The following PDE4D variants were observed in gnomAD, a reference collection of about 807,000 sequenced individuals.
PDE4D encodes the protein phosphodiesterase 4D, also known as 3',5'-cyclic-AMP phosphodiesterase 4D.
In PDE4D, 24 loss-of-function variants were observed where a neutral mutation model predicts 87.4. The ratio of observed to expected loss-of-function variants is 0.27; its 90% confidence interval spans 0.20 to 0.39. PDE4D has a LOEUF of 0.39. Among genes scored for constraint, PDE4D ranks in the 10% least tolerant of loss-of-function variants. The pLI is 1.00. For missense variants in PDE4D, 714 were observed against 1,041.0 expected (o/e 0.69, Z 4.32); for synonymous variants, 384 against 383.2 (o/e 1.00, Z -0.02).
At chr5:59,402,497 A>G (rs187716) in intron 1 of PDE4D, among the ~76,000 whole-genome samples, 69,853 of 151,872 alleles carry the variant, frequency 0.46, 16,952 homozygotes, top group African/African-American at 0.61. Flanking sequence ...AGAGCACGAC[A>G]AGTCCCTACT....
chr5:59,843,299 A>T (rs925217446), intron 1 of PDE4D, among the ~76,000 whole-genome samples: 9 of 152,056 alleles, frequency 5.9e-5, no homozygotes, highest in African/African-American at 2.2e-4. Flanking sequence ...TCAGTGGCCA[A>T]CTCTGACATT....
chr5:58,999,845 C>G (rs991643683), intron 6 of PDE4D: 3 of 989,024 alleles, frequency 3.0e-6, no homozygotes, highest in East Asian at 2.2e-4. Context: ...CTTTCTCTCC[C>G]GAGCTCCAGG....
intron 1 of PDE4D, among the ~76,000 whole-genome samples, chr5:60,403,711 AT>A (rs981274821): frequency 5.3e-4 from 80 of 152,344 alleles, no homozygotes; most frequent in African/African-American, 1.9e-3. Flanking sequence ...CACAGCTGAA[AT>A]TTAAGCCCAG....
intron 5 of PDE4D, among the ~76,000 whole-genome samples, chr5:59,070,875 T>C (rs1264380842): frequency 6.6e-6 from 1 of 152,212 alleles, no homozygotes; most frequent in Non-Finnish European, 1.5e-5. Context: ...CTGGATTGGT[T>C]ATTCTCCATG....
intron 3 of PDE4D, among the ~76,000 whole-genome samples, chr5:59,900,196 C>T (rs1419111412): frequency 1.3e-5 from 2 of 150,712 alleles, no homozygotes; most frequent in African/African-American, 4.9e-5. Flanking sequence ...GCCATGATCA[C>T]ACCACTGCAC....
intron 1 of PDE4D, among the ~76,000 whole-genome samples, chr5:59,533,873 A>G (rs893899624): frequency 2.6e-5 from 4 of 152,216 alleles, no homozygotes; most frequent in Non-Finnish European, 4.4e-5. Flanking sequence ...GATAGTGTAT[A>G]TGAAAAAGCA....
intron 1 of PDE4D, among the ~76,000 whole-genome samples, chr5:60,484,651 A>T (rs1389861551): frequency 6.6e-6 from 1 of 152,124 alleles, no homozygotes; most frequent in East Asian, 1.9e-4. Context: ...TTGAAGCTCC[A>T]ATGGGAGCTT....
intron 2 of PDE4D, among the ~76,000 whole-genome samples, chr5:60,062,304 GA>G (rs1014306120): frequency 2.0e-5 from 3 of 151,672 alleles, no homozygotes; most frequent in South Asian, 2.1e-4. Flanking sequence ...ACAAACATAT[GA>G]AAAAAAAGCA....
chr5:60,211,476 T>C (rs558383032), intron 1 of PDE4D, among the ~76,000 whole-genome samples: 1 of 149,738 alleles, frequency 6.7e-6, no homozygotes, highest in Non-Finnish European at 1.5e-5. Context: ...AGGGAATATA[T>C]ATATGTATAT....
intron 1 of PDE4D, among the ~76,000 whole-genome samples, chr5:60,451,536 C>T (rs1475161399): frequency 6.6e-6 from 1 of 151,872 alleles, no homozygotes; most frequent in East Asian, 1.9e-4. Context: ...TAACTACAGG[C>T]CTTTAGGACG....
intron 1 of PDE4D, among the ~76,000 whole-genome samples, chr5:60,401,822 T>C (rs1741116134): frequency 6.6e-6 from 1 of 152,206 alleles, no homozygotes; most frequent in South Asian, 2.1e-4. Flanking sequence ...TCTGCGTCAA[T>C]CAACAGATAT....
At chr5:59,570,030 C>A (rs954802812) in intron 1 of PDE4D, among the ~76,000 whole-genome samples, 1 of 152,152 alleles carries the variant, frequency 6.6e-6, no homozygotes, top group Non-Finnish European at 1.5e-5. Flanking sequence ...TCTGTGATTA[C>A]CGTGAATGAG....
rs576859903 is a variant in PDE4D, at chr5:60,022,065, G to A, written c.43-33348C>T. 7.9e-5 allele frequency among the ~76,000 whole-genome samples: 12 copies of A among 152,196 alleles called. No homozygotes were observed. In the South Asian group the frequency reaches 2.5e-3, roughly 32 times the overall value. On this transcript the variant is annotated intron_variant, in intron 2 of 16. Transcript: ENST00000502484. ...TAGAAACAAACATCCCTCCTCTTTG[G>A]ACATGGAGCTGTATTAATGGCTGCT...
At chr5:59,750,081 G>A in intron 1 of PDE4D, among the ~76,000 whole-genome samples, 1 of 119,370 alleles carries the variant, frequency 8.4e-6, no homozygotes, top group African/African-American at 3.3e-5. Context: ...ACAGAATTAT[G>A]ACCTTTTTTT....
intron 2 of PDE4D, among the ~76,000 whole-genome samples, chr5:60,127,902 C>T (rs1326636331): frequency 1.3e-5 from 2 of 152,032 alleles, no homozygotes; most frequent in African/African-American, 2.4e-5. Context: ...AGGAGGACCA[C>T]GCCTGAGGCA....
At chr5:60,379,801 C>T (rs1213132708) in intron 1 of PDE4D, among the ~76,000 whole-genome samples, 2 of 152,178 alleles carry the variant, frequency 1.3e-5, no homozygotes, top group East Asian at 3.8e-4. Context: ...AAAGCATGGA[C>T]TGGGTTTCAG....
rs558907100 is a variant in PDE4D, at chr5:60,105,032, G to C, written c.42+80525C>G. On this transcript the variant is annotated intron_variant, in intron 2 of 16. Coordinates refer to the PDE4D transcript ENST00000502484. ...ACGAAGAATGACTTTGACGAGTTGA[G>C]AGAAGAAGGCTTCAGACAATCAAAC... 5.9e-5 allele frequency among the ~76,000 whole-genome samples: 9 copies of C among 152,348 alleles called. No individual in the cohort carries two copies. The South Asian group carries it at 1.7e-3, about 28-fold the overall frequency.
At chr5:59,921,505 C>T (rs1187212364) in intron 3 of PDE4D, among the ~76,000 whole-genome samples, 1 of 152,092 alleles carries the variant, frequency 6.6e-6, no homozygotes, top group Non-Finnish European at 1.5e-5. Context: ...AAATATATCA[C>T]TGATTTTTGT....
chr5:59,133,926 T>C (rs1275302823), intron 5 of PDE4D, among the ~76,000 whole-genome samples: 1 of 152,066 alleles, frequency 6.6e-6, no homozygotes, highest in Non-Finnish European at 1.5e-5. Flanking sequence ...CTTCTCCATG[T>C]GGAATGTTTT....
Sources: allele counts gnomAD v4.1 joint callset (sites outside exome capture counted in the v4.1 genomes callset), GRCh38; gene constraint gnomAD v4.1.1; transcripts MANE v1.5; gene names NCBI Gene and HGNC (gene_info 2026-07-23, HGNC 2026-07-21).